The following RAB11FIP1 variants were observed in gnomAD, a reference collection of about 807,000 sequenced individuals.
RAB11FIP1 encodes RAB11 family interacting protein 1, also known as rab11 family-interacting protein 1.
In RAB11FIP1, 49 loss-of-function variants were observed where a neutral mutation model predicts 83.1. The ratio of observed to expected loss-of-function variants is 0.59; its 90% CI spans 0.47 to 0.75. The LOEUF is 0.75. Ranked by LOEUF, RAB11FIP1 falls within the 30% of genes least tolerant of loss-of-function variation. The probability of loss-of-function intolerance (pLI) is 0.00; values close to 1 mark genes in which losing one functional copy is unlikely to be tolerated. For synonymous variants in RAB11FIP1, 670 were observed against 656.0 expected, an observed-to-expected ratio of 1.02 and a Z score of -0.33; for missense variants, 1,536 against 1,598.7, an observed-to-expected ratio of 0.96 and a Z score of 0.67.
At position 37,899,233 on chromosome 8, in the gene RAB11FIP1, G is replaced by A; in HGVS notation, c.209C>T (p.Ala70Val). The A allele has an allele frequency of 6.3e-7, 1 of 1,591,740 alleles. No individual in the cohort carries two copies. Among genetic ancestry groups the A allele is most frequent in the Middle Eastern group, 1.7e-4 (1 of 5,962 alleles). ...CAGCAGCGATGGCAGCTCGAAGGTG[G>A]CCTCCTCGCGCCACACGGGCGCGCC... ...SLGAPVWREE[A>V]TFELPSLLSS... The change falls in exon 1 of 6, where the codon GCC (alanine) becomes GTC (valine). Residue 70 changes from alanine (A) to valine (V), a missense_variant. By Grantham distance (64) the Ala-to-Val change is moderately conservative. Coordinates refer to ENST00000330843, the MANE Select transcript of RAB11FIP1 (RefSeq NM_001002814.3). The surrounding 1 kb of genome is among the most constrained non-coding windows in gnomAD (Gnocchi z 4.5).
chr8:37,892,401 C>T (rs1402259736), intron 1 of RAB11FIP1, among the ~76,000 whole-genome samples: 7 of 151,606 alleles, frequency 4.6e-5, no homozygotes, highest in Non-Finnish European at 2.9e-5. Flanking sequence ...TAAATTGGAC[C>T]GTATCAACCC....
Position 37,871,638 on chromosome 8 carries a change from T to A in RAB11FIP1, c.3164A>T (p.His1055Leu), listed in dbSNP as rs771929609. The change falls in exon 4 of 6, where the codon CAT becomes CTT. Residue 1055 changes from histidine to leucine, a missense_variant. His to Leu is a moderately conservative substitution (Grantham distance 99). Coordinates refer to ENST00000330843, the MANE Select transcript of RAB11FIP1 (RefSeq NM_001002814.3). The stretch of plus-strand genomic sequence containing the variant: ...ATCCAAGCTTGAGCTCTTGCCAAGA[T>A]GTGGTTTGTGAATTCCGAACTCTGT... The part of the protein sequence containing the change: ...QTTEFGIHKP[H>L]LGKSSSLDKQ... 3.1e-6 allele frequency: 5 copies of A among 1,609,946 alleles called. No individual in the cohort carries two copies. The highest frequency in any genetic ancestry group is 3.3e-5 in the Admixed American group (2 of 59,780).
intron 1 of RAB11FIP1, among the ~76,000 whole-genome samples, chr8:37,887,447 C>T (rs978325767): frequency 6.6e-6 from 1 of 151,160 alleles, no homozygotes; most frequent in Non-Finnish European, 1.5e-5. Context: ...ACAAGAATTG[C>T]TTGAACCTGG....
Position 37,872,151 on chromosome 8 carries a change from T to C in RAB11FIP1, c.2651A>G (p.His884Arg), listed in dbSNP as rs751010587. Reference sequence around the variant, plus strand: ...CTCCTCCTGGGAGGGGAGGAGGAGGTGATCCGCTGGGGAGGCTGGCGCACC... The same window carrying C: ...CTCCTCCTGGGAGGGGAGGAGGAGGCGATCCGCTGGGGAGGCTGGCGCACC... The part of the protein sequence containing the change: ...TCGAPASPAD[H>R]LLLPSQEESF... Residue 884 changes from histidine (H) to arginine (R), a missense_variant, in exon 4 of 6, where the codon CAC (histidine) becomes CGC (arginine). His to Arg is a conservative substitution (Grantham distance 29, BLOSUM62 0). Transcript: ENST00000330843. 9 of 1,613,646 alleles carry C rather than the reference T, an allele frequency of 5.6e-6. No individual in the cohort carries two copies. Among genetic ancestry groups the C allele is most frequent in the Non-Finnish European group, 7.6e-6 (9 of 1,179,860 alleles).
chr8:37,897,865 AG>A (rs1336799482), intron 1 of RAB11FIP1, among the ~76,000 whole-genome samples: 26 of 152,284 alleles, frequency 1.7e-4, no homozygotes, highest in South Asian at 1.0e-3. Context: ...AGGTAGGGGA[AG>A]GGGTTAGCAA....
chr8:37,892,096 T>C (rs1368322451), intron 1 of RAB11FIP1, among the ~76,000 whole-genome samples: 1 of 152,192 alleles, frequency 6.6e-6, no homozygotes, highest in African/African-American at 2.4e-5. Context: ...CACTTCCTGG[T>C]TCACTTTCAA....
chr8:37,873,377 G>A, intron 3 of RAB11FIP1, 198 bp from the exon 4 acceptor site: 1 of 517,466 alleles, frequency 1.9e-6, no homozygotes, highest in Non-Finnish European at 3.3e-6. Context: ...GGCCGAGGCA[G>A]GCGGATCACC....
chr8:37,874,562 A>T lies in RAB11FIP1; in HGVS notation c.1575T>A (p.Pro525=). 1 of 1,614,194 alleles carries T rather than the reference A, an allele frequency of 6.2e-7. No individual in the cohort carries two copies. The highest frequency in any genetic ancestry group is 8.5e-7 in the Non-Finnish European group (1 of 1,180,032). The change falls in exon 3 of 6, where the codon CCT becomes CCA. Residue 525 remains proline, a synonymous_variant. Coordinates refer to ENST00000330843, the MANE Select transcript of RAB11FIP1 (RefSeq NM_001002814.3). ...AEPESKSEPR[P]PISSPRAPQT... The stretch of plus-strand genomic sequence containing the variant: ...GGGGAGCCCTCGGAGAGGAAATTGG[A>T]GGTCTCGGTTCAGACTTGGACTCTG...
Position 37,871,561 on chromosome 8 carries a change from C to A in RAB11FIP1, c.3241G>T (p.Gly1081Trp). 6.3e-7 allele frequency: 1 copy of A among 1,598,954 alleles called. No homozygotes were observed. The highest frequency in any genetic ancestry group is 1.7e-5 in the Admixed American group (1 of 58,830). The stretch of plus-strand genomic sequence containing the variant: ...GTGCCAGGAGGCGGGCTTGGACTCC[C>A]ATTTCCCATCGGTTTTTCTTCCTCA... ...GGEEEKPMGN[G>W]SPSPPPGTSL... The change falls in exon 4 of 6, where the codon GGG becomes TGG. Residue 1081 changes from glycine (G) to tryptophan (W), a missense_variant. Coordinates refer to ENST00000330843, the MANE Select transcript of RAB11FIP1 (RefSeq NM_001002814.3).
rs534467323 is a variant in RAB11FIP1, at chr8:37,872,580, A to G, written c.2222T>C (p.Val741Ala). Residue 741 changes from valine (V) to alanine (A), a missense_variant, in exon 4 of 6, where the codon GTT becomes GCT. Val to Ala is a moderately conservative substitution (Grantham distance 64, BLOSUM62 0). Coordinates refer to ENST00000330843, the MANE Select transcript of RAB11FIP1 (RefSeq NM_001002814.3). The part of the protein sequence containing the change: ...SLSSDGAVSP[V>A]GELAAGGDRD... ...GTCTCCTCCTGCTGCAAGCTCCCCA[A>G]CAGGGCTCACAGCTCCATCACTGCT... 2.6e-5 allele frequency: 42 copies of G among 1,614,156 alleles called. No individual in the cohort carries two copies. In the East Asian group the frequency reaches 8.7e-4, roughly 33 times the overall value.
chr8:37,863,169 C>A, intron 5 of RAB11FIP1, 56 bp from the exon 6 acceptor site: 1 of 1,390,426 alleles, frequency 7.2e-7, no homozygotes, highest in South Asian at 1.2e-5. Context: ...GCACAGAAAC[C>A]TAAAACCTAA....
Position 37,872,028 on chromosome 8 carries a change from C to A in RAB11FIP1, c.2774G>T (p.Ser925Ile). Reference sequence around the variant, plus strand: ...TAAACCTTCGTGGTCACTGGCTTTGCTCTGATACTGAGTCACAAGGGCATC... The same window carrying A: ...TAAACCTTCGTGGTCACTGGCTTTGATCTGATACTGAGTCACAAGGGCATC... ...GEDALVTQYQ[S>I]KASDHEGLLS... The change falls in exon 4 of 6, where the codon AGC (serine) becomes ATC (isoleucine). Residue 925 changes from serine (S) to isoleucine (I), a missense_variant. By Grantham distance (142) the Ser-to-Ile change is moderately radical. Coordinates refer to ENST00000330843, the MANE Select transcript of RAB11FIP1 (RefSeq NM_001002814.3). The A allele has an allele frequency of 6.2e-7, 1 of 1,614,146 alleles. No homozygotes were observed. Among genetic ancestry groups the A allele is most frequent in the South Asian group, 1.1e-5 (1 of 91,090 alleles).
intron 2 of RAB11FIP1, among the ~76,000 whole-genome samples, chr8:37,876,471 A>G (rs1806613460): frequency 6.6e-6 from 1 of 151,688 alleles, no homozygotes; most frequent in South Asian, 2.1e-4. Context: ...GATGATGCAC[A>G]CCTGTAGTCC....
In RAB11FIP1 at chr8:37,871,976, C is replaced by T. The variant is rs1806475297; in HGVS notation, c.2826G>A (p.Gln942=). The part of the protein sequence containing the change: ...GLLSDPLSDL[Q]LVSDFKSPIM... ...TTGGAGATTTAAAATCTGAGACCAA[C>T]TGAAGGTCACTCAAGGGGTCAGACA... Residue 942 remains glutamine, a synonymous_variant, in exon 4 of 6, where the codon CAG becomes CAA. Transcript: ENST00000330843. 1 of 1,614,070 alleles carries T rather than the reference C, an allele frequency of 6.2e-7. No homozygotes were observed. Among genetic ancestry groups the T allele is most frequent in the South Asian group, 1.1e-5 (1 of 91,082 alleles).
chr8:37,886,741 T>C (rs547712161), intron 1 of RAB11FIP1, among the ~76,000 whole-genome samples: 1 of 152,316 alleles, frequency 6.6e-6, no homozygotes, highest in East Asian at 1.9e-4. Flanking sequence ...ACACTTAACC[T>C]TTCTTAGATG....
chr8:37,864,273 A>G (rs928057111), intron 5 of RAB11FIP1, among the ~76,000 whole-genome samples: 1 of 152,222 alleles, frequency 6.6e-6, no homozygotes, highest in Admixed American at 6.5e-5. Context: ...TGCAAGCCCA[A>G]GCAGCTTGAA....
At chr8:37,863,561 TC>T (rs1359352290) in intron 5 of RAB11FIP1, among the ~76,000 whole-genome samples, 4 of 152,200 alleles carry the variant, frequency 2.6e-5, no homozygotes, top group African/African-American at 9.6e-5. Flanking sequence ...GAATCCGTTT[TC>T]AATTTACAGT....
At chr8:37,887,280 C>T (rs1358847795) in intron 1 of RAB11FIP1, among the ~76,000 whole-genome samples, 7 of 152,156 alleles carry the variant, frequency 4.6e-5, no homozygotes, top group Admixed American at 3.9e-4. Context: ...CCTGTAATCC[C>T]AGCACATTGG....
intron 1 of RAB11FIP1, among the ~76,000 whole-genome samples, chr8:37,896,969 A>G (rs1807101517): frequency 6.6e-6 from 1 of 152,192 alleles, no homozygotes. Flanking sequence ...AAGTGAATAC[A>G]CACATGTTGG....
Sources: gnomAD v4.1 joint callset for allele counts (sites outside exome capture counted in the v4.1 genomes callset) on GRCh38, gnomAD v4.1.1 for gene constraint, Gnocchi (gnomAD v3.1) non-coding constraint, MANE v1.5 for transcripts, NCBI Gene and HGNC (gene_info 2026-07-23, HGNC 2026-07-21) for gene names.